The following RANBP2 variants were observed in gnomAD, a reference collection of about 807,000 sequenced individuals.
The protein encoded by RANBP2 is RAN binding protein 2, also known as E3 SUMO-protein ligase RanBP2.
Under a neutral mutation model 303.6 loss-of-function variants are expected in RANBP2, and 57 were observed. The ratio of observed to expected loss-of-function variants is 0.19; its 90% CI spans 0.15 to 0.23. The LOEUF is 0.23. Ranked by LOEUF, RANBP2 falls within the 10% of genes least tolerant of loss-of-function variation. The pLI, the probability that RANBP2 is intolerant of heterozygous loss-of-function variation, is 1.00. For synonymous variants in RANBP2, 1,167 were observed against 1,301.5 expected, an observed-to-expected ratio of 0.90 and a Z score of 2.23; for missense variants, 3,138 against 3,780.8, an observed-to-expected ratio of 0.83 and a Z score of 4.46.
chr2:108,909,319 G>T, the RANBP2 span, among the ~76,000 whole-genome samples: 6 of 152,174 alleles, frequency 3.9e-5, no homozygotes, highest in African/African-American at 4.8e-5. Context: ...CTCTAGGGAG[G>T]CCCTATTTAA....
chr2:109,451,519 T>G, the RANBP2 span, among the ~76,000 whole-genome samples: 1 of 152,128 alleles, frequency 6.6e-6, no homozygotes, highest in Non-Finnish European at 1.5e-5. Flanking sequence ...CATTGCTGAG[T>G]GGGTTTCTAT....
chr2:108,926,126 G>C, the RANBP2 span, among the ~76,000 whole-genome samples: 1 of 152,126 alleles, frequency 6.6e-6, no homozygotes, highest in Non-Finnish European at 1.5e-5. Context: ...TCTCATCCTG[G>C]GCTGCACAGC....
chr2:108,791,850 G>A, the RANBP2 span: 1 of 1,511,730 alleles, frequency 6.6e-7, no homozygotes, highest in East Asian at 2.3e-5. Context: ...ACTTTGTCAA[G>A]TAGAGTAAAT....
chr2:109,567,802 A>G, the RANBP2 span: 4 of 1,561,574 alleles, frequency 2.6e-6, no homozygotes, highest in African/African-American at 1.4e-5. Context: ...TTAACATTCA[A>G]TCAGGAGCTC....
chr2:109,227,763 T>C, the RANBP2 span, among the ~76,000 whole-genome samples: 2 of 152,226 alleles, frequency 1.3e-5, no homozygotes, highest in Non-Finnish European at 2.9e-5. Flanking sequence ...GCAAGTTCTT[T>C]TTCTGGGTAG....
the RANBP2 span, chr2:108,816,072 C>A: frequency 2.5e-5 from 41 of 1,612,604 alleles, no homozygotes; most frequent in Non-Finnish European, 3.4e-5. Flanking sequence ...AATTTGCTTC[C>A]CAGAGAAATG....
the RANBP2 span, among the ~76,000 whole-genome samples, chr2:109,475,268 C>T: frequency 3.9e-5 from 6 of 152,216 alleles, no homozygotes; most frequent in African/African-American, 1.2e-4. Context: ...TGAGCCACCA[C>T]GCCCGGCTTC....
the RANBP2 span, among the ~76,000 whole-genome samples, chr2:109,244,831 G>A: frequency 1.3e-5 from 2 of 152,196 alleles, no homozygotes; most frequent in African/African-American, 4.8e-5. Flanking sequence ...CCTGAGAACA[G>A]GGGAGGTTTT....
At chr2:109,504,318 GAA>G in the RANBP2 span, 5 of 152,368 alleles carry the variant, frequency 3.3e-5, no homozygotes, top group African/African-American at 1.2e-4. Context: ...AGCCATGGCT[GAA>G]GTCAGTGGAC....
the RANBP2 span, among the ~76,000 whole-genome samples, chr2:108,848,762 A>C: frequency 6.6e-6 from 1 of 152,204 alleles, no homozygotes; most frequent in African/African-American, 2.4e-5. Flanking sequence ...ATGATACAAA[A>C]TGAGTAATAA....
chr2:109,741,378 C>T, the RANBP2 span, among the ~76,000 whole-genome samples: 20 of 152,104 alleles, frequency 1.3e-4, no homozygotes, highest in Admixed American at 5.9e-4. Context: ...GTCAGCAAAT[C>T]AGGATTAGGG....
the RANBP2 span, among the ~76,000 whole-genome samples, chr2:108,873,126 A>G: frequency 6.6e-6 from 1 of 152,256 alleles, no homozygotes; most frequent in East Asian, 1.9e-4. Context: ...GTTGCTAATT[A>G]TAGTATTTAA....
the RANBP2 span, among the ~76,000 whole-genome samples, chr2:109,423,746 T>C: frequency 6.6e-6 from 1 of 152,116 alleles, no homozygotes; most frequent in South Asian, 2.1e-4. Context: ...TGGTCACCCC[T>C]TCCAGGCATG....
At chr2:109,555,923 T>C in the RANBP2 span, among the ~76,000 whole-genome samples, 2 of 152,178 alleles carry the variant, frequency 1.3e-5, no homozygotes, top group African/African-American at 4.8e-5. Context: ...ACTCCCCAGT[T>C]AGAATTAACT....
the RANBP2 span, among the ~76,000 whole-genome samples, chr2:109,270,680 G>A: frequency 6.6e-6 from 1 of 152,196 alleles, no homozygotes; most frequent in Non-Finnish European, 1.5e-5. Flanking sequence ...CCCCGTATCT[G>A]GGCCACGCAG....
the RANBP2 span, among the ~76,000 whole-genome samples, chr2:108,838,698 A>G: frequency 3.3e-5 from 5 of 152,172 alleles, no homozygotes; most frequent in Admixed American, 2.0e-4. Context: ...ATAAACAAGT[A>G]AATAGTACTC....
At chr2:109,182,190 T>G in the RANBP2 span, among the ~76,000 whole-genome samples, 2 of 151,590 alleles carry the variant, frequency 1.3e-5, no homozygotes, top group African/African-American at 4.8e-5. Context: ...GAAGTGTATT[T>G]GACTCATGAT....
the RANBP2 span, among the ~76,000 whole-genome samples, chr2:109,375,822 C>G: frequency 6.6e-6 from 1 of 152,238 alleles, no homozygotes; most frequent in Non-Finnish European, 1.5e-5. Context: ...AGAACAGGGC[C>G]CATTCCTCAT....
the RANBP2 span, among the ~76,000 whole-genome samples, chr2:109,576,894 A>G: frequency 2.0e-5 from 3 of 152,346 alleles, no homozygotes; most frequent in South Asian, 6.2e-4. Context: ...GGAAAAAAAC[A>G]GAAAAGAGGG....
Sources: allele counts gnomAD v4.1 joint callset (sites outside exome capture counted in the v4.1 genomes callset), GRCh38; gene constraint gnomAD v4.1.1; transcripts MANE v1.5; gene names NCBI Gene and HGNC (gene_info 2026-07-23, HGNC 2026-07-21).